The following PTPRD variants were observed in gnomAD, a reference collection of about 807,000 sequenced individuals.
PTPRD encodes the protein protein tyrosine phosphatase receptor type D, also known as receptor-type tyrosine-protein phosphatase delta.
In PTPRD, 34 loss-of-function variants were observed where a neutral mutation model predicts 214.5. The ratio of observed to expected loss-of-function variants is 0.16; its 90% CI spans 0.12 to 0.21. PTPRD has a LOEUF of 0.21. PTPRD is among the 10% of genes least tolerant of loss of function. The probability of loss-of-function intolerance (pLI) is 1.00; values close to 1 mark genes in which losing one functional copy is unlikely to be tolerated. For synonymous variants in PTPRD, 1,128 were observed against 845.7 expected (o/e 1.33, Z -5.79); for missense variants, 2,545 against 2,398.7 (o/e 1.06, Z -1.27).
chr9:9,348,283 A>G (rs1207734418), intron 9 of PTPRD, among the ~76,000 whole-genome samples: 1 of 152,064 alleles, frequency 6.6e-6, no homozygotes, highest in African/African-American at 2.4e-5. Flanking sequence ...GATAGCTATA[A>G]TGTCTCTGGC....
At chr9:9,206,015 T>C (rs2099944666) in intron 9 of PTPRD, among the ~76,000 whole-genome samples, 1 of 152,180 alleles carries the variant, frequency 6.6e-6, no homozygotes. Flanking sequence ...GTGACATAAT[T>C]GTTGTCATTA....
intron 2 of PTPRD, among the ~76,000 whole-genome samples, chr9:10,508,462 T>G (rs1288265973): frequency 6.6e-6 from 1 of 152,116 alleles, no homozygotes; most frequent in Admixed American, 6.6e-5. Context: ...ACCCAAAGGA[T>G]TATAAATCAT....
intron 11 of PTPRD, among the ~76,000 whole-genome samples, chr9:8,810,824 C>G (rs1169294082): frequency 6.6e-6 from 1 of 152,124 alleles, no homozygotes; most frequent in African/African-American, 2.4e-5. Context: ...ACCATGGGGT[C>G]TTCGTGAGGT....
intron 9 of PTPRD, among the ~76,000 whole-genome samples, chr9:9,228,617 C>G (rs950644403): frequency 1.3e-5 from 2 of 151,872 alleles, no homozygotes; most frequent in Admixed American, 1.3e-4. Context: ...CTTGCTAGTT[C>G]TATGAACTTG....
At chr9:10,592,192 A>C (rs2075627381) in intron 2 of PTPRD, among the ~76,000 whole-genome samples, 1 of 152,052 alleles carries the variant, frequency 6.6e-6, no homozygotes, top group Non-Finnish European at 1.5e-5. Flanking sequence ...GAAGATAGCT[A>C]TATGACACTC....
chr9:10,383,715 T>C (rs1418959175), intron 2 of PTPRD, among the ~76,000 whole-genome samples: 2 of 151,768 alleles, frequency 1.3e-5, no homozygotes. Context: ...ATAGAATCTC[T>C]AGCAATAAGA....
chr9:10,343,898 T>C (rs997857188), intron 2 of PTPRD, among the ~76,000 whole-genome samples: 1 of 151,650 alleles, frequency 6.6e-6, no homozygotes, highest in African/African-American at 2.4e-5. Flanking sequence ...TCGTAGATTC[T>C]GGATATTAGC....
intron 8 of PTPRD, among the ~76,000 whole-genome samples, chr9:9,431,370 G>T (rs960453192): frequency 6.6e-6 from 1 of 152,134 alleles, no homozygotes; most frequent in African/African-American, 2.4e-5. Context: ...TCTCACACCA[G>T]TTAGAATGGC....
intron 2 of PTPRD, among the ~76,000 whole-genome samples, chr9:10,552,769 G>C (rs983035594): frequency 6.8e-6 from 1 of 147,740 alleles, no homozygotes; most frequent in Non-Finnish European, 1.5e-5. Context: ...CCCATGGAAA[G>C]AAAAAAAAAA....
At chr9:9,827,989 A>G (rs2053537790) in intron 5 of PTPRD, among the ~76,000 whole-genome samples, 1 of 152,174 alleles carries the variant, frequency 6.6e-6, no homozygotes, top group Non-Finnish European at 1.5e-5. Flanking sequence ...GCGATCGTTA[A>G]AAAGTCAGGA....
At chr9:8,809,872 G>C (rs1173514340) in intron 11 of PTPRD, among the ~76,000 whole-genome samples, 2 of 152,164 alleles carry the variant, frequency 1.3e-5, no homozygotes, top group Non-Finnish European at 2.9e-5. Flanking sequence ...GAATATCAAG[G>C]TCATTGTCTG....
chr9:10,459,007 G>C lies in PTPRD; in HGVS notation c.-599-117990C>G, dbSNP rs113747247. On this transcript the variant is annotated intron_variant, in intron 2 of 45. Transcript: ENST00000381196. Reference sequence around the variant, plus strand: ...GGTGGTTTGCTGCACCTATCAACCCGTCATCTACATTAGGTATTTCTCCTA... The same window carrying C: ...GGTGGTTTGCTGCACCTATCAACCCCTCATCTACATTAGGTATTTCTCCTA... 9.6e-3 allele frequency among the ~76,000 whole-genome samples: 1,467 copies of C among 152,074 alleles called. 20 individuals are homozygous for C. Among genetic ancestry groups the C allele is most frequent in the African/African-American group, 0.028 (1,147 of 41,502 alleles).
intron 14 of PTPRD, among the ~76,000 whole-genome samples, chr9:8,550,619 T>G (rs1364752318): frequency 6.6e-6 from 1 of 152,156 alleles, no homozygotes; most frequent in African/African-American, 2.4e-5. Flanking sequence ...AGCAACAAAT[T>G]AAAGAAGAGA....
intron 8 of PTPRD, among the ~76,000 whole-genome samples, chr9:9,405,630 C>A (rs1488436482): frequency 6.6e-6 from 1 of 151,986 alleles, no homozygotes; most frequent in Non-Finnish European, 1.5e-5. Flanking sequence ...CGGGTTTGTG[C>A]TCTGTTAGAT....
chr9:10,328,859 T>G (rs2096696915), intron 3 of PTPRD, among the ~76,000 whole-genome samples: 1 of 151,802 alleles, frequency 6.6e-6, no homozygotes, highest in Non-Finnish European at 1.5e-5. Flanking sequence ...GGACAAAATG[T>G]CATTTCGATG....
chr9:9,363,721 T>G (rs2057001072), intron 9 of PTPRD, among the ~76,000 whole-genome samples: 1 of 151,322 alleles, frequency 6.6e-6, no homozygotes, highest in Non-Finnish European at 1.5e-5. Context: ...CCACTCTAGA[T>G]TCTCTAAGAG....
At position 8,317,382 on chromosome 9, in the gene PTPRD, G is replaced by A. The variant is rs1248429890; in HGVS notation, c.*492C>T. The A allele has an allele frequency of 1.3e-5, 3 of 232,704 alleles. No individual in the cohort carries two copies. The highest frequency in any genetic ancestry group is 2.6e-5 in the Non-Finnish European group (3 of 117,574). 14.4% of individuals were successfully genotyped at this position (232,704 alleles called of 1,614,324 possible). ...TTACAATACTAAAAAACTAAATCAA[G>A]GACTTTCTTTTTAAACATTCCCTCC... On this transcript the variant is annotated 3_prime_UTR_variant, in exon 46 of 46. Coordinates refer to ENST00000381196, the MANE Select transcript of PTPRD (RefSeq NM_002839.4).
intron 14 of PTPRD, among the ~76,000 whole-genome samples, chr9:8,612,798 T>C (rs1479327297): frequency 6.6e-6 from 1 of 152,192 alleles, no homozygotes; most frequent in Non-Finnish European, 1.5e-5. Flanking sequence ...TAGAGAACAA[T>C]GAAGACATTT....
At position 10,569,286 on chromosome 9, in the gene PTPRD, T is replaced by C. The variant is rs948011884; in HGVS notation, c.-600+43112A>G. On this transcript the variant is annotated intron_variant, in intron 2 of 45. Transcript: ENST00000381196. ...TCAGGTAACAACAGGTGCATTATTG[T>C]TTAGAGTAAGACTTTACTCTTATCT... is the stretch of plus-strand genomic sequence containing the variant. 2.0e-5 allele frequency among the ~76,000 whole-genome samples: 3 copies of C among 152,208 alleles called. No homozygotes were observed. The East Asian group carries it at 5.8e-4, about 29-fold the overall frequency.
Sources: gnomAD v4.1 joint callset for allele counts (sites outside exome capture counted in the v4.1 genomes callset) on GRCh38, gnomAD v4.1.1 for gene constraint, MANE v1.5 for transcripts, NCBI Gene and HGNC (gene_info 2026-07-23, HGNC 2026-07-21) for gene names.